The following PRELID2 variants were observed in gnomAD, a reference collection of about 807,000 sequenced individuals.
The protein encoded by PRELID2 is PRELI domain containing 2.
Under a neutral mutation model 28.4 loss-of-function variants are expected in PRELID2, and 25 were observed. The observed-to-expected ratio is 0.88, with a 90% CI of 0.64 to 1.23. PRELID2 has a LOEUF of 1.23. Ranked by LOEUF, PRELID2 falls within the 50% of genes most tolerant of loss-of-function variation. PRELID2 has a pLI of 0.00. For synonymous variants in PRELID2, 76 were observed against 71.6 expected, an observed-to-expected ratio of 1.06 and a Z score of -0.31; for missense variants, 201 against 214.4, an observed-to-expected ratio of 0.94 and a Z score of 0.39.
intron 1 of PRELID2, among the ~76,000 whole-genome samples, chr5:145,641,894 T>A (rs189175660): frequency 1.3e-5 from 2 of 152,242 alleles, no homozygotes; most frequent in African/African-American, 4.8e-5. Context: ...TGTGCCACAT[T>A]TTCTTTATCC....
intron 1 of PRELID2, among the ~76,000 whole-genome samples, chr5:145,604,881 C>CTATATATA (rs1347559677): frequency 3.5e-5 from 3 of 85,688 alleles, no homozygotes; most frequent in African/African-American, 1.7e-4. Flanking sequence ...TGCTTGTTGG[C>CTATATATA]CATATATATA....
the PRELID2 span, among the ~76,000 whole-genome samples, chr5:145,438,508 T>C: frequency 9.9e-5 from 15 of 152,140 alleles, no homozygotes; most frequent in African/African-American, 3.6e-4. Context: ...GCTTTGGGGA[T>C]TATCTCACTA....
the PRELID2 span, among the ~76,000 whole-genome samples, chr5:145,293,695 A>C: frequency 2.0e-5 from 3 of 152,206 alleles, no homozygotes; most frequent in Non-Finnish European, 4.4e-5. Flanking sequence ...TAAATGGCCC[A>C]CATTGTGTTA....
At chr5:145,289,059 A>G in the PRELID2 span, among the ~76,000 whole-genome samples, 1 of 152,082 alleles carries the variant, frequency 6.6e-6, no homozygotes, top group Non-Finnish European at 1.5e-5. Flanking sequence ...TTCCTTCCAT[A>G]AAGTTTCATA....
chr5:145,309,740 G>A, the PRELID2 span, among the ~76,000 whole-genome samples: 1 of 152,092 alleles, frequency 6.6e-6, no homozygotes, highest in Non-Finnish European at 1.5e-5. Context: ...ACAAAAAAAG[G>A]TTCAGTAACT....
the PRELID2 span, among the ~76,000 whole-genome samples, chr5:145,275,937 G>A: frequency 1.5e-4 from 23 of 152,178 alleles, no homozygotes; most frequent in African/African-American, 5.5e-4. Flanking sequence ...TTAAATGAGT[G>A]GATGTACATA....
the PRELID2 span, among the ~76,000 whole-genome samples, chr5:145,423,835 T>A: frequency 7.2e-6 from 1 of 138,478 alleles, no homozygotes; most frequent in Non-Finnish European, 1.6e-5. Context: ...TTTCCAGTTT[T>A]TCTGTTCTGT....
chr5:145,268,139 C>T, the PRELID2 span, among the ~76,000 whole-genome samples: 6 of 152,070 alleles, frequency 3.9e-5, no homozygotes, highest in African/African-American at 1.2e-4. Flanking sequence ...AGCCTTTTAA[C>T]TCGATGTGAT....
At chr5:145,403,643 G>T in the PRELID2 span, among the ~76,000 whole-genome samples, 1 of 152,200 alleles carries the variant, frequency 6.6e-6, no homozygotes, top group Non-Finnish European at 1.5e-5. Context: ...TGTACCAGGA[G>T]CTATACTAAC....
chr5:145,617,706 G>A (rs1753718262), intron 1 of PRELID2, among the ~76,000 whole-genome samples: 2 of 150,100 alleles, frequency 1.3e-5, no homozygotes, highest in African/African-American at 4.9e-5. Flanking sequence ...GTTTCCTGAA[G>A]TTTTGGTTGT....
At chr5:145,511,398 T>A (rs1752459944) in intron 1 of PRELID2, among the ~76,000 whole-genome samples, 1 of 152,146 alleles carries the variant, frequency 6.6e-6, no homozygotes, top group Non-Finnish European at 1.5e-5. Context: ...ACTACACAAA[T>A]GGAAAAATCA....
intron 1 of PRELID2, among the ~76,000 whole-genome samples, chr5:145,572,912 C>T (rs936908054): frequency 1.3e-5 from 2 of 152,152 alleles, no homozygotes; most frequent in Admixed American, 6.6e-5. Flanking sequence ...TGTGATTACT[C>T]TTCTGGCATG....
intron 1 of PRELID2, among the ~76,000 whole-genome samples, chr5:145,551,440 A>ACAAG (rs1752833354): frequency 6.6e-6 from 1 of 150,582 alleles, no homozygotes; most frequent in African/African-American, 2.4e-5. Flanking sequence ...AAATAAATAA[A>ACAAG]CCTGCTTAAC....
the PRELID2 span, among the ~76,000 whole-genome samples, chr5:145,388,131 G>T: frequency 6.6e-6 from 1 of 152,106 alleles, no homozygotes; most frequent in Non-Finnish European, 1.5e-5. Flanking sequence ...TCACTTAGCA[G>T]TAATTACCAG....
chr5:145,292,566 C>T, the PRELID2 span, among the ~76,000 whole-genome samples: 1 of 152,106 alleles, frequency 6.6e-6, no homozygotes, highest in Non-Finnish European at 1.5e-5. Context: ...AAGATGATGG[C>T]AAAAGCTTGA....
At chr5:145,697,080 T>TATATACAC (rs1554084239) in intron 1 of PRELID2, among the ~76,000 whole-genome samples, 1 of 85,946 alleles carries the variant, frequency 1.2e-5, no homozygotes, top group African/African-American at 5.1e-5. Flanking sequence ...TATATATATA[T>TATATACAC]ACACACACAC....
the PRELID2 span, among the ~76,000 whole-genome samples, chr5:145,270,956 TTACA>T: frequency 1.5e-4 from 23 of 152,056 alleles, no homozygotes; most frequent in African/African-American, 3.6e-4. Flanking sequence ...CTCAGGAAAC[TTACA>T]ATCATGGAGG....
chr5:145,462,757 A>G, the PRELID2 span, among the ~76,000 whole-genome samples: 3 of 152,162 alleles, frequency 2.0e-5, no homozygotes, highest in East Asian at 5.8e-4. Flanking sequence ...CCCACTGTCT[A>G]CCGAAGGCGA....
intron 1 of PRELID2, among the ~76,000 whole-genome samples, chr5:145,745,813 G>A (rs1484932035): frequency 2.6e-5 from 4 of 151,454 alleles, no homozygotes; most frequent in African/African-American, 9.7e-5. Flanking sequence ...AGTGAGCCAA[G>A]ATCACACCAT....
Sources: gnomAD v4.1 joint callset for allele counts (sites outside exome capture counted in the v4.1 genomes callset) on GRCh38, gnomAD v4.1.1 for gene constraint, MANE v1.5 for transcripts, NCBI Gene and HGNC (gene_info 2026-07-23, HGNC 2026-07-21) for gene names.